IMMP2L: variants seen among roughly 807,000 people sequenced by gnomAD.
The protein encoded by IMMP2L is mitochondrial inner membrane protease subunit 2.
Under a neutral mutation model 19.3 loss-of-function variants are expected in IMMP2L, and 18 were observed. That is an observed-to-expected ratio of 0.93 (90% CI 0.64 to 1.38). IMMP2L has a LOEUF of 1.38. Ranked by LOEUF, IMMP2L falls within the 40% of genes most tolerant of loss-of-function variation. The probability of loss-of-function intolerance (pLI) is 0.00; values close to 1 mark genes in which losing one functional copy is unlikely to be tolerated. For synonymous variants in IMMP2L, 76 were observed against 73.0 expected, an observed-to-expected ratio of 1.04 and a Z score of -0.21; for missense variants, 233 against 218.2, an observed-to-expected ratio of 1.07 and a Z score of -0.43.
intron 5 of IMMP2L, among the ~76,000 whole-genome samples, chr7:110,853,894 A>G (rs1806488094): frequency 6.6e-6 from 1 of 152,010 alleles, no homozygotes; most frequent in Admixed American, 6.6e-5. Flanking sequence ...GTACTTTAAT[A>G]TGTGATAGCC....
chr7:111,495,158 A>C (rs1843476789), intron 2 of IMMP2L, among the ~76,000 whole-genome samples: 1 of 152,138 alleles, frequency 6.6e-6, no homozygotes, highest in Admixed American at 6.6e-5. Context: ...ATATAAAAAC[A>C]TATGCATTTA....
At chr7:110,970,408 C>T (rs1820027667) in intron 3 of IMMP2L, among the ~76,000 whole-genome samples, 1 of 151,966 alleles carries the variant, frequency 6.6e-6, no homozygotes. Flanking sequence ...CAATATACAG[C>T]ACATATGTAA....
At chr7:111,417,289 T>C (rs40372) in intron 3 of IMMP2L, among the ~76,000 whole-genome samples, 83,521 of 151,512 alleles carry the variant, frequency 0.55, 23,868 homozygotes, top group South Asian at 0.71. Context: ...CTCCACTTCC[T>C]CTTCTTCTCC....
At chr7:110,805,440 C>T (rs1209828255) in intron 5 of IMMP2L, among the ~76,000 whole-genome samples, 1 of 151,886 alleles carries the variant, frequency 6.6e-6, no homozygotes, top group Non-Finnish European at 1.5e-5. Flanking sequence ...TTTCATGGTC[C>T]AACATCCATG....
chr7:110,878,119 C>T (rs1466351074), intron 5 of IMMP2L, among the ~76,000 whole-genome samples: 1 of 152,046 alleles, frequency 6.6e-6, no homozygotes, highest in African/African-American at 2.4e-5. Flanking sequence ...TGCCCCTGTC[C>T]TGTTCTTTCT....
rs141488390 is a variant in IMMP2L at position 111,307,543 on chromosome 7, T to G, written c.239+179695A>C. Among the ~76,000 whole-genome samples, 635 of 151,818 alleles carry G rather than the reference T, an allele frequency of 4.2e-3. 5 individuals carry two copies. The highest frequency in any genetic ancestry group is 0.015 in the African/African-American group (609 of 41,510). ...GAGTGATACTTCTCAAAATTATATC[T>G]GCTATATATAACATATAAACTTTGC... On this transcript the variant is annotated intron_variant, in intron 3 of 5. Coordinates refer to ENST00000405709, the MANE Select transcript of IMMP2L (RefSeq NM_032549.4).
intron 3 of IMMP2L, among the ~76,000 whole-genome samples, chr7:111,477,228 C>T (rs1841798702): frequency 2.6e-5 from 4 of 152,148 alleles, no homozygotes; most frequent in Admixed American, 1.3e-4. Flanking sequence ...AGTGCCCACC[C>T]CTCTACCAAC....
intron 3 of IMMP2L, among the ~76,000 whole-genome samples, chr7:111,270,049 ATGTGTGTCTGTGTGTG>A (rs1314202782): frequency 1.4e-4 from 18 of 132,882 alleles, no homozygotes; most frequent in African/African-American, 3.9e-4. Context: ...GTGTGCATGC[ATGTGTGTCTGTGTGTG>A]TGTGTGTGTG....
intron 3 of IMMP2L, among the ~76,000 whole-genome samples, chr7:111,121,212 T>A (rs2129588200): frequency 6.6e-6 from 1 of 152,314 alleles, no homozygotes. Flanking sequence ...TGTTTGTTTT[T>A]TTCTTGTAAA....
chr7:111,131,099 A>G (rs754631543), intron 3 of IMMP2L, among the ~76,000 whole-genome samples: 1 of 151,988 alleles, frequency 6.6e-6, no homozygotes, highest in Non-Finnish European at 1.5e-5. Context: ...GTGTAAAAAA[A>G]TTTCTTCTAA....
chr7:110,684,185 T>C lies in IMMP2L; in HGVS notation c.409-20464A>G, dbSNP rs970082420. Among the ~76,000 whole-genome samples, 3 of 152,070 alleles carry C rather than the reference T, an allele frequency of 2.0e-5. No homozygotes were observed. The East Asian group carries it at 5.8e-4, about 29-fold the overall frequency. ...AGAGCTACCATAAACCAGAAGAAAT[T>C]CCTCATGGCTAACTATGGACTGACT... is the stretch of plus-strand genomic sequence containing the variant. On this transcript the variant is annotated intron_variant, in intron 5 of 5. Transcript: ENST00000405709.
At chr7:111,493,957 G>A (rs1269484731) in intron 2 of IMMP2L, among the ~76,000 whole-genome samples, 3 of 151,230 alleles carry the variant, frequency 2.0e-5, no homozygotes, top group African/African-American at 7.3e-5. Context: ...CCGAGACCAC[G>A]CCACTGCACT....
At chr7:111,020,188 A>G (rs1826140677) in intron 3 of IMMP2L, among the ~76,000 whole-genome samples, 1 of 151,706 alleles carries the variant, frequency 6.6e-6, no homozygotes, top group Admixed American at 6.6e-5. Flanking sequence ...GTTCGAGACC[A>G]GCCTGGACAA....
intron 5 of IMMP2L, among the ~76,000 whole-genome samples, chr7:110,790,309 C>T (rs1179898371): frequency 6.6e-6 from 1 of 151,702 alleles, no homozygotes; most frequent in Non-Finnish European, 1.5e-5. Context: ...TGTAGGTCTT[C>T]AGAGGCTAAG....
chr7:111,212,206 G>A (rs1811401055), intron 3 of IMMP2L, among the ~76,000 whole-genome samples: 1 of 151,750 alleles, frequency 6.6e-6, no homozygotes, highest in East Asian at 1.9e-4. Context: ...ACTTTCTGGG[G>A]GAATTATAAG....
intron 3 of IMMP2L, among the ~76,000 whole-genome samples, chr7:110,984,750 A>C (rs1025989821): frequency 6.6e-6 from 1 of 152,114 alleles, no homozygotes; most frequent in African/African-American, 2.4e-5. Flanking sequence ...AAAAATCAAT[A>C]ATATTTTCAA....
At chr7:111,399,316 G>A (rs1833201756) in intron 3 of IMMP2L, among the ~76,000 whole-genome samples, 1 of 152,028 alleles carries the variant, frequency 6.6e-6, no homozygotes, top group Admixed American at 6.6e-5. Flanking sequence ...AGAGAACCCA[G>A]AAATAAACCC....
intron 3 of IMMP2L, among the ~76,000 whole-genome samples, chr7:111,025,091 C>T (rs1402817736): frequency 6.6e-6 from 1 of 152,146 alleles, no homozygotes; most frequent in Admixed American, 6.6e-5. Flanking sequence ...CTCCTCCCAC[C>T]ATACTCATCC....
intron 3 of IMMP2L, among the ~76,000 whole-genome samples, chr7:111,185,178 C>T (rs1262393385): frequency 6.6e-6 from 1 of 152,190 alleles, no homozygotes; most frequent in Admixed American, 6.5e-5. Context: ...TGGCATTCCA[C>T]CTGTCCCAAG....
Sources: allele counts gnomAD v4.1 joint callset (sites outside exome capture counted in the v4.1 genomes callset), GRCh38; gene constraint gnomAD v4.1.1; transcripts MANE v1.5; gene names NCBI Gene and HGNC (gene_info 2026-07-23, HGNC 2026-07-21).